The following PRDM11 variants were observed in gnomAD, a reference collection of about 807,000 sequenced individuals.
PRDM11 encodes the protein PR domain-containing protein 11.
In PRDM11, 20 loss-of-function variants were observed where a neutral mutation model predicts 97.8. That is an observed-to-expected ratio of 0.20 (90% CI 0.14 to 0.30). The LOEUF is 0.30. Ranked by LOEUF, PRDM11 falls within the 10% of genes least tolerant of loss-of-function variation. The pLI is 1.00. For synonymous variants in PRDM11, 599 were observed against 637.7 expected (o/e 0.94, Z 0.91); for missense variants, 1,139 against 1,555.2 (o/e 0.73, Z 4.50).
chr11:45,180,987 G>T (rs1387334798), intron 1 of PRDM11, among the ~76,000 whole-genome samples: 1 of 152,178 alleles, frequency 6.6e-6, no homozygotes, highest in Admixed American at 6.5e-5. Context: ...GAGGAGCAGG[G>T]GTGTGGCCAG....
At chr11:45,108,945 T>C (rs573148818) in intron 1 of PRDM11, among the ~76,000 whole-genome samples, 49 of 152,384 alleles carry the variant, frequency 3.2e-4, no homozygotes, top group African/African-American at 1.2e-3. Context: ...CTCCATAATG[T>C]TTCCATTTTT....
intron 5 of PRDM11, chr11:45,209,049 T>C: frequency 2.2e-6 from 1 of 456,620 alleles, no homozygotes; most frequent in Non-Finnish European, 4.4e-6. Context: ...GAAAATCACC[T>C]CCGTCAGCCA....
In PRDM11 at chr11:45,204,880, T is replaced by G. The variant is rs537680043; in HGVS notation, c.554+102T>G. 7.1e-6 allele frequency: 9 copies of G among 1,266,388 alleles called. No homozygotes were observed. The African/African-American group carries it at 1.2e-4, about 17-fold the overall frequency. 78.4% of individuals were successfully genotyped at this position (1,266,388 alleles called of 1,614,324 possible). A position where few individuals can be genotyped will look rare whatever the true frequency, so the allele number is the denominator to read the frequency against. ...TGGGAGCTCCAGTGGTGGAGACTTC[T>G]GGAGGCTGCCGTTTGCAGGGTTTGG... On this transcript the variant is annotated intron_variant, in intron 5 of 7. Transcript: ENST00000683152.
chr11:45,156,470 G>T (rs920342151), intron 1 of PRDM11, among the ~76,000 whole-genome samples: 11 of 152,252 alleles, frequency 7.2e-5, no homozygotes, highest in Admixed American at 5.2e-4. Context: ...AATGGAGACC[G>T]TGGTCCGCAG....
chr11:45,213,213 T>C (rs759831248), intron 5 of PRDM11: 11 of 456,406 alleles, frequency 2.4e-5, no homozygotes, highest in Admixed American at 7.0e-5. Context: ...TAACAGAGCA[T>C]GTATTCAGAC....
intron 1 of PRDM11, among the ~76,000 whole-genome samples, chr11:45,118,149 T>C (rs966139481): frequency 1.3e-5 from 2 of 152,090 alleles, no homozygotes; most frequent in Non-Finnish European, 2.9e-5. Flanking sequence ...GAAATTGCCA[T>C]AACCAAGAGG....
At chr11:45,123,261 A>G (rs1382164396) in intron 1 of PRDM11, among the ~76,000 whole-genome samples, 1 of 152,230 alleles carries the variant, frequency 6.6e-6, no homozygotes. Context: ...TCAGATGAGT[A>G]GATTGCAAAA....
chr11:45,224,230 G>A lies in PRDM11; in HGVS notation c.756G>A (p.Leu252=). The A allele has an allele frequency of 6.3e-7, 1 of 1,588,742 alleles. No homozygotes were observed. Among genetic ancestry groups the A allele is most frequent in the Non-Finnish European group, 8.5e-7 (1 of 1,169,624 alleles). Residue 252 remains leucine (L), a synonymous_variant, in exon 7 of 8, where the codon TTG becomes TTA. Coordinates refer to ENST00000683152, the MANE Select transcript of PRDM11 (RefSeq NM_001384648.1). ...HRNLARGEKR[L]QREKSEQVLD... ...TTTCCTTCCTAGGAGAGAAGAGGTT[G>A]CAGAGGGAGAAGTCTGAGCAGGTTC...
intron 5 of PRDM11, among the ~76,000 whole-genome samples, chr11:45,206,755 TA>T (rs1285269952): frequency 6.6e-6 from 1 of 152,254 alleles, no homozygotes; most frequent in Non-Finnish European, 1.5e-5. Flanking sequence ...GATGTGCCAC[TA>T]GCATTGAGAA....
chr11:45,118,955 C>T (rs1268630740), intron 1 of PRDM11, among the ~76,000 whole-genome samples: 1 of 152,180 alleles, frequency 6.6e-6, no homozygotes, highest in African/African-American at 2.4e-5. Flanking sequence ...CATGGACTGG[C>T]AGTCTGCCTT....
intron 1 of PRDM11, among the ~76,000 whole-genome samples, chr11:45,149,039 C>G (rs1321549874): frequency 1.3e-5 from 2 of 152,174 alleles, no homozygotes; most frequent in Non-Finnish European, 2.9e-5. Flanking sequence ...CCAATCTACT[C>G]CATCTCCAGA....
intron 1 of PRDM11, among the ~76,000 whole-genome samples, chr11:45,173,233 T>C (rs1187631761): frequency 6.6e-6 from 1 of 152,082 alleles, no homozygotes; most frequent in Non-Finnish European, 1.5e-5. Flanking sequence ...AAGGGAGGTG[T>C]GGCACCTGAA....
Position 45,226,857 on chromosome 11 carries a change from G to T in PRDM11, c.2232G>T (p.Met744Ile). 1 of 1,533,968 alleles carries T rather than the reference G, an allele frequency of 6.5e-7. No individual in the cohort carries two copies. Among genetic ancestry groups the T allele is most frequent in the Non-Finnish European group, 8.7e-7 (1 of 1,146,738 alleles). The change falls in exon 8 of 8, where the codon ATG becomes ATT. Residue 744 changes from methionine to isoleucine, a missense_variant. Met to Ile is a conservative substitution (Grantham distance 10, BLOSUM62 1). This residue lies in a region of PRDM11 where 710 missense variants were observed against 1,044.9 expected (regional missense o/e 0.68). Coordinates refer to ENST00000683152, the MANE Select transcript of PRDM11 (RefSeq NM_001384648.1). ...ANITASLRAS[M>I]FMTIRKTLPW... ...TCACAGCCAGCCTCCGTGCCAGCAT[G>T]TTCATGACCATCCGCAAGACGCTGC...
At chr11:45,178,178 C>T (rs768199974) in intron 1 of PRDM11, among the ~76,000 whole-genome samples, 12 of 152,078 alleles carry the variant, frequency 7.9e-5, no homozygotes, top group Middle Eastern at 3.4e-3. Flanking sequence ...TCTTACCCTC[C>T]GTCCTTTATT....
intron 1 of PRDM11, among the ~76,000 whole-genome samples, chr11:45,132,242 C>T (rs951168158): frequency 1.3e-3 from 199 of 152,302 alleles, no homozygotes; most frequent in African/African-American, 4.5e-3. Flanking sequence ...GGAGCTTGAA[C>T]ACTTCTACAA....
rs76348927 is a variant in PRDM11 at position 45,169,693 on chromosome 11, C to T, written c.-6-12068C>T. Among the ~76,000 whole-genome samples the T allele has an allele frequency of 3.0e-3, 450 of 149,816 alleles. 1 individual carries two copies. Among genetic ancestry groups the T allele is most frequent in the African/African-American group, 0.011 (430 of 40,558 alleles). ...CTAGGCATAAATGGGTTTTGATATCCCCAGGCCCAGAGAAGTTAAGGAACT... is the reference window on the plus strand; with the variant it reads ...CTAGGCATAAATGGGTTTTGATATCTCCAGGCCCAGAGAAGTTAAGGAACT... On this transcript the variant is annotated intron_variant, in intron 1 of 7. Coordinates refer to ENST00000683152, the MANE Select transcript of PRDM11 (RefSeq NM_001384648.1).
At chr11:45,173,173 G>C (rs1270199573) in intron 1 of PRDM11, among the ~76,000 whole-genome samples, 1 of 152,148 alleles carries the variant, frequency 6.6e-6, no homozygotes. Flanking sequence ...GCCCAGCCCT[G>C]GTGCTGGGCA....
intron 5 of PRDM11, chr11:45,208,831 C>T (rs757442559): frequency 2.3e-5 from 9 of 388,498 alleles, no homozygotes; most frequent in East Asian, 1.5e-4. Context: ...CCTGCATTGA[C>T]GGTCATTTAC....
chr11:45,150,987 C>G (rs911710083), intron 1 of PRDM11, among the ~76,000 whole-genome samples: 2 of 152,178 alleles, frequency 1.3e-5, no homozygotes, highest in African/African-American at 4.8e-5. Context: ...GGATTAGAAC[C>G]CTGGCAGTCT....
Sources: gnomAD v4.1 joint callset for allele counts (sites outside exome capture counted in the v4.1 genomes callset) on GRCh38, gnomAD v4.1.1 for gene constraint, gnomAD v4.1.1 regional missense constraint, MANE v1.5 for transcripts, NCBI Gene and HGNC (gene_info 2026-07-23, HGNC 2026-07-21) for gene names.